OPRD1: variants seen among roughly 807,000 people sequenced by gnomAD.
OPRD1 encodes the protein delta-type opioid receptor.
OPRD1 carries 19 observed loss-of-function variants against 17.5 expected under a neutral mutation model. That is an observed-to-expected ratio of 1.09 (90% CI 0.76 to 1.60). OPRD1 has a LOEUF of 1.60. OPRD1 is among the 40% of genes most tolerant of loss of function. The probability of loss-of-function intolerance (pLI) is 0.00; values close to 1 mark genes in which losing one functional copy is unlikely to be tolerated. For missense variants in OPRD1, 483 were observed against 547.2 expected (o/e 0.88, Z 1.17); for synonymous variants, 256 against 240.9 (o/e 1.06, Z -0.58).
In OPRD1 at chr1:28,858,363, C is replaced by T. The variant is rs182426371; in HGVS notation, c.228-591C>T. 1.4e-3 allele frequency among the ~76,000 whole-genome samples: 214 copies of T among 152,012 alleles called. 1 individual carries two copies. The Middle Eastern group carries it at 0.017, about 12-fold the overall frequency. ...TCTCCTGACCTCGTGATCCGCCCGC[C>T]TCGGCCTCCCAAAGTGCTGGGATTA... On this transcript the variant is annotated intron_variant, in intron 1 of 2. Transcript: ENST00000234961.
chr1:28,821,357 CTTGGCCTCCCAA>C (rs2088711144), intron 1 of OPRD1, among the ~76,000 whole-genome samples: 1 of 152,068 alleles, frequency 6.6e-6, no homozygotes, highest in African/African-American at 2.4e-5. Context: ...ATCCACCTGC[CTTGGCCTCCCAA>C]AGTTCTGGGA....
chr1:28,849,541 C>T (rs2088981312), intron 1 of OPRD1, among the ~76,000 whole-genome samples: 1 of 152,200 alleles, frequency 6.6e-6, no homozygotes, highest in Non-Finnish European at 1.5e-5. Flanking sequence ...GGGGCACACA[C>T]ACGTGCCCAC....
Position 28,863,428 on chromosome 1 carries a change from C to A in OPRD1, c.*145C>A. On this transcript the variant is annotated 3_prime_UTR_variant, in exon 3 of 3. Transcript: ENST00000234961. ...CCAGATGGGGCCTCTGTTTCGGAGA[C>A]GGGACCGGGCCGCTAGATGGGCATG... The A allele has an allele frequency of 3.2e-6, 3 of 948,956 alleles. No homozygotes were observed. Among genetic ancestry groups the A allele is most frequent in the Non-Finnish European group, 4.4e-6 (3 of 686,408 alleles). 58.8% of individuals were successfully genotyped at this position (948,956 alleles called of 1,614,324 possible). A position where few individuals can be genotyped will look rare whatever the true frequency, so the allele number is the denominator to read the frequency against.
intron 1 of OPRD1, among the ~76,000 whole-genome samples, chr1:28,841,449 G>A (rs949112898): frequency 2.0e-5 from 3 of 152,166 alleles, no homozygotes; most frequent in East Asian, 1.9e-4. Flanking sequence ...ATAGATATGC[G>A]CTTGTGTCCT....
At chr1:28,860,102 T>C (rs1168035048) in intron 2 of OPRD1, among the ~76,000 whole-genome samples, 1 of 152,186 alleles carries the variant, frequency 6.6e-6, no homozygotes, top group African/African-American at 2.4e-5. Context: ...CAGTGGCTCA[T>C]GCCTGTAATC....
intron 1 of OPRD1, among the ~76,000 whole-genome samples, chr1:28,821,818 T>C (rs775539314): frequency 8.6e-5 from 13 of 152,034 alleles, no homozygotes; most frequent in Non-Finnish European, 1.6e-4. Context: ...GGTGGGAGGA[T>C]CACTTGAGCC....
intron 1 of OPRD1, among the ~76,000 whole-genome samples, chr1:28,827,146 A>AT (rs139297490): frequency 0.28 from 42,165 of 151,882 alleles, 6,095 homozygotes; most frequent in Middle Eastern, 0.43. Context: ...AAATACAAAA[A>AT]TTAGCTGGGC....
intron 1 of OPRD1, among the ~76,000 whole-genome samples, chr1:28,837,386 A>G (rs2124272579): frequency 6.6e-6 from 1 of 152,270 alleles, no homozygotes; most frequent in Admixed American, 6.5e-5. Context: ...GCAGTGGCTC[A>G]CACCAGGAAT....
At position 28,851,220 on chromosome 1, in the gene OPRD1, A is replaced by G. The variant is rs374192227; in HGVS notation, c.228-7734A>G. Reference sequence around the variant, plus strand: ...TATGCAGGTAGAGAGGACAGATCACATACAAAACATCAGGAATCAGAATGG... The same window carrying G: ...TATGCAGGTAGAGAGGACAGATCACGTACAAAACATCAGGAATCAGAATGG... On this transcript the variant is annotated intron_variant, in intron 1 of 2. Transcript: ENST00000234961. Among the ~76,000 whole-genome samples the G allele has an allele frequency of 1.7e-4, 26 of 152,342 alleles. 1 individual carries two copies. In the South Asian group the frequency reaches 5.2e-3, roughly 30 times the overall value.
intron 1 of OPRD1, among the ~76,000 whole-genome samples, chr1:28,836,603 G>A (rs373741089): frequency 6.6e-5 from 10 of 152,184 alleles, no homozygotes; most frequent in East Asian, 5.8e-4. Context: ...CGAAGGCTCC[G>A]TGGAAGAACG....
chr1:28,823,190 CTTTTTTT>C (rs773578102), intron 1 of OPRD1, among the ~76,000 whole-genome samples: 27 of 101,902 alleles, frequency 2.6e-4, no homozygotes, highest in African/African-American at 7.9e-4. Context: ...CTTCTGTAGT[CTTTTTTT>C]TTTTTTTTTT....
chr1:28,845,032 G>A (rs2088927985), intron 1 of OPRD1, among the ~76,000 whole-genome samples: 1 of 152,098 alleles, frequency 6.6e-6, no homozygotes, highest in Admixed American at 6.6e-5. Context: ...AGTGTCATTT[G>A]AGGCACAAAA....
intron 1 of OPRD1, among the ~76,000 whole-genome samples, chr1:28,834,381 C>CTTTTTTTT (rs11306242): frequency 1.6e-5 from 2 of 121,804 alleles, no homozygotes; most frequent in African/African-American, 3.0e-5. Flanking sequence ...TTCTTTTTTT[C>CTTTTTTTT]TTTTTTTTTT....
intron 1 of OPRD1, among the ~76,000 whole-genome samples, chr1:28,840,553 C>A (rs1467466691): frequency 9.3e-5 from 14 of 151,158 alleles, no homozygotes; most frequent in Admixed American, 9.2e-4. Flanking sequence ...TGCCACTCTG[C>A]AGCCTGGGGC....
At chr1:28,844,751 T>G (rs2088925182) in intron 1 of OPRD1, among the ~76,000 whole-genome samples, 1 of 152,086 alleles carries the variant, frequency 6.6e-6, no homozygotes, top group Non-Finnish European at 1.5e-5. Context: ...TTGTTTTTGT[T>G]TTTTTGAGGG....
chr1:28,828,186 C>A (rs1403233041), intron 1 of OPRD1, among the ~76,000 whole-genome samples: 8 of 152,148 alleles, frequency 5.3e-5, no homozygotes, highest in Non-Finnish European at 8.8e-5. Context: ...TAAAATTATT[C>A]CTTGATCCGT....
intron 1 of OPRD1, among the ~76,000 whole-genome samples, chr1:28,833,824 C>T (rs2124270334): frequency 6.6e-6 from 1 of 152,322 alleles, no homozygotes; most frequent in Non-Finnish European, 1.5e-5. Flanking sequence ...GTGCTTACTA[C>T]ATTTGGCTAT....
At chr1:28,858,677 C>T (rs1483426038) in intron 1 of OPRD1, among the ~76,000 whole-genome samples, 2 of 151,704 alleles carry the variant, frequency 1.3e-5, no homozygotes, top group Non-Finnish European at 2.9e-5. Context: ...TCCCAAGTAG[C>T]TGGAATTACA....
At chr1:28,825,933 C>T (rs1008481860) in intron 1 of OPRD1, among the ~76,000 whole-genome samples, 6 of 152,174 alleles carry the variant, frequency 3.9e-5, no homozygotes, top group Non-Finnish European at 7.3e-5. Flanking sequence ...GGGTTGTCCC[C>T]CCTGAAGTAC....
Sources: allele counts gnomAD v4.1 joint callset (sites outside exome capture counted in the v4.1 genomes callset), GRCh38; gene constraint gnomAD v4.1.1; transcripts MANE v1.5; gene names NCBI Gene and HGNC (gene_info 2026-07-23, HGNC 2026-07-21).